The following ANK3 variants were observed in gnomAD, a reference collection of about 807,000 sequenced individuals.
ANK3 encodes ankyrin 3.
ANK3 carries 57 observed loss-of-function variants against 370.9 expected under a neutral mutation model. The observed-to-expected ratio is 0.15, with a 90% CI of 0.12 to 0.19. ANK3 has a LOEUF of 0.19. ANK3 is among the 10% of genes least tolerant of loss of function. ANK3 has a pLI of 1.00. For synonymous variants in ANK3, 1,929 were observed against 1,946.3 expected, an observed-to-expected ratio of 0.99 and a Z score of 0.23; for missense variants, 4,439 against 5,302.1, an observed-to-expected ratio of 0.84 and a Z score of 5.06.
In ANK3 at chr10:60,042,699, G is replaced by A. The variant is rs1470464097; in HGVS notation, c.13126C>T (p.His4376Tyr). 1 of 1,613,838 alleles carries A rather than the reference G, an allele frequency of 6.2e-7. No homozygotes were observed. Among genetic ancestry groups the A allele is most frequent in the Non-Finnish European group, 8.5e-7 (1 of 1,179,954 alleles). Residue 4376 changes from histidine (H) to tyrosine (Y), a missense_variant, in exon 43 of 44, where the codon CAC becomes TAC. Around this residue, in one of 13 missense-constraint regions of ANK3, gnomAD observed 242 missense variants for 228.0 expected, o/e 1.06. Transcript: ENST00000280772. ...TGACTGACCGTTCGCTGTTACGAGT[G>A]GCTCTTCTTTTCCACATGCCGGATT... ...KEIRHVEKKS[H>Y]S is the part of the protein sequence containing the mutation.
intron 2 of ANK3, among the ~76,000 whole-genome samples, chr10:60,407,226 C>T (rs116095100): frequency 0.01 from 1,540 of 152,218 alleles, 20 homozygotes; most frequent in African/African-American, 0.035. Flanking sequence ...TTTCTTGGTG[C>T]CAAGCTGTGT....
intron 1 of ANK3, among the ~76,000 whole-genome samples, chr10:60,657,097 C>A (rs1366022918): frequency 6.6e-6 from 1 of 152,184 alleles, no homozygotes; most frequent in African/African-American, 2.4e-5. Flanking sequence ...CAAGGAGGAG[C>A]AAGTCACATC....
intron 1 of ANK3, among the ~76,000 whole-genome samples, chr10:60,353,654 C>G (rs1002547344): frequency 6.6e-6 from 1 of 152,214 alleles, no homozygotes. Flanking sequence ...GGCGCCATCT[C>G]TCATTCTATT....
At chr10:60,677,780 T>G (rs1589013764) in intron 1 of ANK3, among the ~76,000 whole-genome samples, 1 of 113,816 alleles carries the variant, frequency 8.8e-6, no homozygotes, top group South Asian at 2.8e-4. Context: ...CTTTCTCAAC[T>G]ACCCAAAAAA....
At chr10:60,124,995 G>A (rs1160169967) in intron 25 of ANK3, among the ~76,000 whole-genome samples, 2 of 152,144 alleles carry the variant, frequency 1.3e-5, no homozygotes, top group African/African-American at 4.8e-5. Flanking sequence ...TGGATATTGA[G>A]TGAAATGGCA....
At chr10:60,293,665 A>T (rs1321181764) in intron 1 of ANK3, among the ~76,000 whole-genome samples, 1 of 152,204 alleles carries the variant, frequency 6.6e-6, no homozygotes, top group Non-Finnish European at 1.5e-5. Flanking sequence ...GCTAAAAATG[A>T]CCGACAACTT....
intron 7 of ANK3, among the ~76,000 whole-genome samples, chr10:60,242,635 G>C (rs1302568370): frequency 6.6e-6 from 1 of 152,180 alleles, no homozygotes; most frequent in Admixed American, 6.5e-5. Context: ...TACTGAGAAT[G>C]TGCCTTATCC....
intron 2 of ANK3, among the ~76,000 whole-genome samples, chr10:60,537,900 C>A (rs1195302617): frequency 6.6e-6 from 1 of 151,830 alleles, no homozygotes; most frequent in East Asian, 1.9e-4. Context: ...CATTTGTGTA[C>A]AATGACTAAA....
At chr10:60,615,327 T>C (rs2078253736) in intron 1 of ANK3, 1 of 695,198 alleles carries the variant, frequency 1.4e-6, no homozygotes, top group African/African-American at 1.9e-5. Flanking sequence ...CTTATAAACA[T>C]AGTAAGTTCC....
chr10:60,211,892 C>CAAAAAAAAAAAAAAAAAAAGA (rs2096860849), intron 9 of ANK3, among the ~76,000 whole-genome samples: 1 of 93,400 alleles, frequency 1.1e-5, no homozygotes, highest in Non-Finnish European at 2.0e-5. Context: ...AATACAGAGC[C>CAAAAAAAAAAAAAAAAAAAGA]AAAAAAAAAA....
intron 1 of ANK3, among the ~76,000 whole-genome samples, chr10:60,387,548 C>T (rs780307413): frequency 6.6e-5 from 10 of 152,154 alleles, no homozygotes; most frequent in Non-Finnish European, 1.0e-4. Flanking sequence ...TTAACAAGTA[C>T]AACAGCAATG....
chr10:60,332,440 C>T (rs2051589945), intron 1 of ANK3, among the ~76,000 whole-genome samples: 1 of 152,198 alleles, frequency 6.6e-6, no homozygotes, highest in African/African-American at 2.4e-5. Context: ...GTTGGCGCCA[C>T]TGTTCTGATG....
intron 1 of ANK3, among the ~76,000 whole-genome samples, chr10:60,654,381 T>TA (rs2078834437): frequency 6.6e-6 from 1 of 152,162 alleles, no homozygotes; most frequent in Non-Finnish European, 1.5e-5. Context: ...TGCCCAGTGT[T>TA]AAGGGGAAAG....
intron 1 of ANK3, among the ~76,000 whole-genome samples, chr10:60,657,746 T>G (rs1475335099): frequency 6.6e-6 from 1 of 152,124 alleles, no homozygotes; most frequent in East Asian, 1.9e-4. Context: ...GTTATGAATA[T>G]TGTTCTAATC....
At chr10:60,649,147 G>T (rs1209613950) in intron 1 of ANK3, among the ~76,000 whole-genome samples, 1 of 152,054 alleles carries the variant, frequency 6.6e-6, no homozygotes, top group African/African-American at 2.4e-5. Flanking sequence ...TAGCTTCCCA[G>T]TTACTAAGAG....
At chr10:60,545,619 A>G (rs186572959) in intron 2 of ANK3, among the ~76,000 whole-genome samples, 6 of 152,246 alleles carry the variant, frequency 3.9e-5, no homozygotes, top group African/African-American at 1.4e-4. Flanking sequence ...TTTTCAAGGG[A>G]TTGAAATACT....
intron 25 of ANK3, among the ~76,000 whole-genome samples, chr10:60,129,568 A>C (rs2093954857): frequency 1.3e-5 from 2 of 152,228 alleles, no homozygotes. Flanking sequence ...CCTGGGCAAC[A>C]TGGCAAAATT....
intron 1 of ANK3, among the ~76,000 whole-genome samples, chr10:60,316,530 T>C (rs1196753973): frequency 6.6e-6 from 1 of 152,140 alleles, no homozygotes; most frequent in Admixed American, 6.5e-5. Context: ...CAAGGAATAA[T>C]TTAATATAAT....
At chr10:60,414,875 G>C (rs142143393) in intron 2 of ANK3, among the ~76,000 whole-genome samples, 4 of 152,326 alleles carry the variant, frequency 2.6e-5, no homozygotes, top group African/African-American at 9.6e-5. Context: ...GAAAGGCTGA[G>C]AGGAGGCACT....
Sources: gnomAD v4.1 joint callset for allele counts (sites outside exome capture counted in the v4.1 genomes callset) on GRCh38, gnomAD v4.1.1 for gene constraint, gnomAD v4.1.1 regional missense constraint, MANE v1.5 for transcripts, NCBI Gene and HGNC (gene_info 2026-07-23, HGNC 2026-07-21) for gene names.